TRIP12: variants seen among roughly 807,000 people sequenced by gnomAD.
The protein encoded by TRIP12 is thyroid hormone receptor interactor 12.
A neutral mutation model predicts 244.2 loss-of-function variants in TRIP12; 25 were observed. The observed-to-expected ratio is 0.10, with a 90% CI of 0.07 to 0.14. The LOEUF (loss-of-function observed/expected upper bound fraction) is 0.14. Among genes scored for constraint, TRIP12 ranks in the 10% least tolerant of loss-of-function variants. The pLI is 1.00. For missense variants in TRIP12, 1,677 were observed against 2,486.4 expected (o/e 0.67, Z 6.92); for synonymous variants, 905 against 873.1 (o/e 1.04, Z -0.64).
At chr2:229,901,384 G>A (rs534944940) in intron 1 of TRIP12, among the ~76,000 whole-genome samples, 29 of 151,814 alleles carry the variant, frequency 1.9e-4, no homozygotes, top group African/African-American at 7.0e-4. Context: ...ACTTTGGGAG[G>A]CTAAGGTGGG....
chr2:229,917,346 A>G (rs1302257122), intron 1 of TRIP12, among the ~76,000 whole-genome samples: 1 of 124,314 alleles, frequency 8.0e-6, no homozygotes, highest in Non-Finnish European at 1.6e-5. Flanking sequence ...GCGCCATTGC[A>G]CTCCACCCTG....
At chr2:229,890,077 ACT>A (rs1222295596) in intron 1 of TRIP12, among the ~76,000 whole-genome samples, 1 of 118,768 alleles carries the variant, frequency 8.4e-6, no homozygotes, top group African/African-American at 3.0e-5. Flanking sequence ...ACAGAGGTTA[ACT>A]CTTTTTTTTT....
rs150989313 is a variant in TRIP12, at chr2:229,875,610, G to A, written c.98+4372C>T. Among the ~76,000 whole-genome samples the A allele has an allele frequency of 3.8e-3, 578 of 152,340 alleles. 3 individuals are homozygous for A. The highest frequency in any genetic ancestry group is 0.033 in the South Asian group (160 of 4,824). On this transcript the variant is annotated intron_variant, in intron 2 of 41. Transcript: ENST00000675903. ...GACTACACACTAGCTATACAAAGTT[G>A]AGCAAGCTTCCACATTTGTAAGAGA...
chr2:229,882,066 T>C (rs1002253046), intron 1 of TRIP12, among the ~76,000 whole-genome samples: 11 of 152,222 alleles, frequency 7.2e-5, no homozygotes. Context: ...TACATAATCT[T>C]GCATATATGA....
At chr2:229,878,406 T>C (rs1576525147) in intron 2 of TRIP12, among the ~76,000 whole-genome samples, 1 of 147,174 alleles carries the variant, frequency 6.8e-6, no homozygotes, top group Non-Finnish European at 1.5e-5. Context: ...GCCAAGATCA[T>C]GCCGCTGCAC....
intron 25 of TRIP12, among the ~76,000 whole-genome samples, chr2:229,796,354 A>G (rs1032190543): frequency 6.6e-6 from 1 of 152,226 alleles, no homozygotes; most frequent in African/African-American, 2.4e-5. Context: ...CAAGCAAAAA[A>G]GACTCAAGAT....
At chr2:229,908,299 A>G (rs1347541717) in intron 1 of TRIP12, among the ~76,000 whole-genome samples, 1 of 152,242 alleles carries the variant, frequency 6.6e-6, no homozygotes, top group Admixed American at 6.5e-5. Context: ...GGGAACCAGG[A>G]ATTTAAATCT....
chr2:229,845,862 C>T (rs566251347), intron 4 of TRIP12, among the ~76,000 whole-genome samples: 3 of 88,938 alleles, frequency 3.4e-5, no homozygotes, highest in South Asian at 8.7e-4. Flanking sequence ...CAAAAAATTA[C>T]GAAGAAAAAA....
chr2:229,880,165 T>G, intron 1 of TRIP12, 37 bp from the exon 2 acceptor site: 1 of 1,237,882 alleles, frequency 8.1e-7, no homozygotes, highest in East Asian at 2.4e-5. Context: ...TTATCAGATG[T>G]ACAAAATACA....
In TRIP12 at chr2:229,766,081, C is replaced by A. The variant is rs1405865604; in HGVS notation, c.*1473G>T. The stretch of plus-strand genomic sequence containing the variant: ...AATTAATTAAAACTTACAGAACAGT[C>A]AAAAAAATTGATTTCTCAAAGTTCA... On this transcript the variant is annotated 3_prime_UTR_variant, in exon 42 of 42. Transcript: ENST00000675903. The A allele has an allele frequency of 2.0e-5, 3 of 151,314 alleles. No individual in the cohort carries two copies. Among genetic ancestry groups the A allele is most frequent in the African/African-American group, 7.3e-5 (3 of 41,108 alleles). 9.4% of individuals were successfully genotyped at this position (151,314 alleles called of 1,614,324 possible). A position where few individuals can be genotyped will look rare whatever the true frequency, so the allele number is the denominator to read the frequency against.
chr2:229,847,929 G>T (rs1017302095), intron 4 of TRIP12, among the ~76,000 whole-genome samples: 1 of 152,130 alleles, frequency 6.6e-6, no homozygotes, highest in Non-Finnish European at 1.5e-5. Flanking sequence ...AAGAGGGAGA[G>T]AAGGGAATCG....
Position 229,767,436 on chromosome 2 carries a change from G to GT in TRIP12, c.*117dup, listed in dbSNP as rs2032145194. The GT allele has an allele frequency of 7.8e-7, 1 of 1,274,194 alleles. No individual in the cohort carries two copies. Among genetic ancestry groups the GT allele is most frequent in the Admixed American group, 2.7e-5 (1 of 37,582 alleles). 78.9% of individuals were successfully genotyped at this position (1,274,194 alleles called of 1,614,324 possible). On this transcript the variant is annotated 3_prime_UTR_variant, in exon 42 of 42. Transcript: ENST00000675903. ...AATGTCTCTTTATAATCTGCAAGCC[G>GT]TTTTTCCTACAACAAGAAGGCGTAA...
At chr2:229,883,235 C>A (rs560063158) in intron 1 of TRIP12, among the ~76,000 whole-genome samples, 2 of 152,330 alleles carry the variant, frequency 1.3e-5, no homozygotes, top group Admixed American at 6.5e-5. Context: ...CTACACACTT[C>A]ATAGGTATCA....
At chr2:229,879,880 C>A in intron 2 of TRIP12, 102 bp downstream of exon 2, 1 of 1,263,888 alleles carries the variant, frequency 7.9e-7, no homozygotes, top group Non-Finnish European at 1.1e-6. Flanking sequence ...GAAAAATTAC[C>A]CATATGCAAT....
intron 9 of TRIP12, among the ~76,000 whole-genome samples, chr2:229,816,799 A>G (rs2048620807): frequency 6.6e-6 from 1 of 152,230 alleles, no homozygotes; most frequent in Non-Finnish European, 1.5e-5. Flanking sequence ...CTTAGTGAAC[A>G]AACAACAATA....
chr2:229,903,004 CTTTTTCTT>C (rs1176366519), intron 1 of TRIP12, among the ~76,000 whole-genome samples: 1 of 30,298 alleles, frequency 3.3e-5, no homozygotes, highest in African/African-American at 1.5e-4. Flanking sequence ...GTTTTTTTTT[CTTTTTCTT>C]TTTTTCTTTT....
intron 1 of TRIP12, among the ~76,000 whole-genome samples, chr2:229,895,020 T>C (rs529721462): frequency 2.3e-4 from 35 of 151,894 alleles, no homozygotes; most frequent in Non-Finnish European, 4.6e-4. Flanking sequence ...TACATAACAC[T>C]CAAGTAAACA....
At chr2:229,791,729 CGTCTTTCAGAACTAAAATGT>C in intron 29 of TRIP12, 117 bp downstream of exon 29, 1 of 858,166 alleles carries the variant, frequency 1.2e-6, no homozygotes, top group Admixed American at 2.6e-5. Context: ...TATTTGAAAT[CGTCTTTCAGAACTAAAATGT>C]GTGATTTAGG....
At chr2:229,888,294 T>C (rs1407774005) in intron 1 of TRIP12, among the ~76,000 whole-genome samples, 1 of 152,062 alleles carries the variant, frequency 6.6e-6, no homozygotes, top group African/African-American at 2.4e-5. Flanking sequence ...TGTAGGCAAC[T>C]GGATATACAG....
Sources: allele counts gnomAD v4.1 joint callset (sites outside exome capture counted in the v4.1 genomes callset), GRCh38; gene constraint gnomAD v4.1.1; transcripts MANE v1.5; gene names NCBI Gene and HGNC (gene_info 2026-07-23, HGNC 2026-07-21).